COL13A1: variants seen among roughly 807,000 people sequenced by gnomAD.
COL13A1 encodes the protein collagen type XIII alpha 1 chain.
COL13A1 carries 89 observed loss-of-function variants against 130.9 expected under a neutral mutation model. The ratio of observed to expected loss-of-function variants is 0.68; its 90% CI spans 0.57 to 0.81. The LOEUF is 0.81. COL13A1 is among the 30% of genes least tolerant of loss of function. COL13A1 has a pLI of 0.00. For missense variants in COL13A1, 879 were observed against 934.6 expected, an observed-to-expected ratio of 0.94 and a Z score of 0.78; for synonymous variants, 402 against 341.6, an observed-to-expected ratio of 1.18 and a Z score of -1.95.
intron 14 of COL13A1, among the ~76,000 whole-genome samples, chr10:69,900,786 GGA>G (rs1431075358): frequency 6.6e-6 from 1 of 152,172 alleles, no homozygotes; most frequent in African/African-American, 2.4e-5. Flanking sequence ...GAAAGAATAG[GGA>G]GAGTCTGCAG....
Position 69,877,699 on chromosome 10 carries a change from T to TCACA in COL13A1, c.436-296_436-293dup, listed in dbSNP as rs10532425. 9.4e-3 allele frequency: 816 copies of TCACA among 86,834 alleles called. 9 individuals are homozygous for TCACA. Among genetic ancestry groups the TCACA allele is most frequent in the Middle Eastern group, 0.027 (4 of 150 alleles). The allele number at this position is 86,834 out of a possible 1,614,324, so 5.4% of individuals were successfully genotyped here. ...GTCTCTCTCTCTCTCTCTCTCTCTC[T>TCACA]CACACACACACACACACACACACAC... On this transcript the variant is annotated intron_variant, in intron 5 of 40. Transcript: ENST00000645393.
intron 7 of COL13A1, among the ~76,000 whole-genome samples, chr10:69,885,883 T>A (rs11814115): frequency 0.22 from 32,917 of 152,096 alleles, 3,971 homozygotes; most frequent in East Asian, 0.46. Context: ...GCCCTTTTGG[T>A]TGGCTGCCAC....
At chr10:69,913,373 G>A (rs1263179862) in intron 17 of COL13A1, among the ~76,000 whole-genome samples, 1 of 152,242 alleles carries the variant, frequency 6.6e-6, no homozygotes, top group Non-Finnish European at 1.5e-5. Context: ...AGGCCTGTGG[G>A]CTTTGCTGGA....
chr10:69,943,598 T>A (rs1194376033), intron 35 of COL13A1, among the ~76,000 whole-genome samples: 2 of 151,966 alleles, frequency 1.3e-5, no homozygotes, highest in African/African-American at 2.4e-5. Flanking sequence ...GGCCTGTGAG[T>A]GGGGCGAGAA....
intron 4 of COL13A1, among the ~76,000 whole-genome samples, chr10:69,873,699 C>A (rs1484974098): frequency 6.6e-6 from 1 of 152,186 alleles, no homozygotes; most frequent in Non-Finnish European, 1.5e-5. Context: ...CACAGCCGAC[C>A]ACCCGCCCTG....
At position 69,922,045 on chromosome 10, in the gene COL13A1, G is replaced by T. The variant is rs546644839; in HGVS notation, c.1143+110G>T. The T allele has an allele frequency of 7.5e-4, 993 of 1,328,048 alleles. 10 individuals are homozygous for T. In the South Asian group the frequency reaches 0.014, roughly 19 times the overall value. 82.3% of individuals were successfully genotyped at this position (1,328,048 alleles called of 1,614,324 possible). A position where few individuals can be genotyped will look rare whatever the true frequency, so the allele number is the denominator to read the frequency against. On this transcript the variant is annotated intron_variant, in intron 22 of 40. Transcript: ENST00000645393. ...ATTGGACGTGTCTGTCTCCCAGACT[G>T]CAGGAAAGGCAGCTGGAACACAGCC...
chr10:69,832,996 G>A (rs11592257), intron 2 of COL13A1, among the ~76,000 whole-genome samples: 22,558 of 152,198 alleles, frequency 0.15, 2,016 homozygotes, highest in African/African-American at 0.25. Context: ...GTAGGAGAAC[G>A]AGGGGCAACT....
intron 2 of COL13A1, among the ~76,000 whole-genome samples, chr10:69,854,956 G>A (rs573081961): frequency 6.6e-5 from 10 of 152,248 alleles, no homozygotes; most frequent in African/African-American, 1.4e-4. Context: ...GAGGCTCCCC[G>A]TTCTCCAGGC....
At chr10:69,906,269 C>T (rs756510239) in intron 17 of COL13A1, among the ~76,000 whole-genome samples, 7 of 152,330 alleles carry the variant, frequency 4.6e-5, no homozygotes, top group South Asian at 4.1e-4. Context: ...TTATCTATTG[C>T]GGTGTAACAA....
chr10:69,842,017 C>T (rs528397850), intron 2 of COL13A1, among the ~76,000 whole-genome samples: 31 of 152,322 alleles, frequency 2.0e-4, no homozygotes, highest in African/African-American at 7.5e-4. Flanking sequence ...ATGACCTAAC[C>T]AGACTGGTAT....
intron 2 of COL13A1, among the ~76,000 whole-genome samples, chr10:69,845,156 A>T (rs1289297231): frequency 6.6e-6 from 1 of 150,534 alleles, no homozygotes; most frequent in Admixed American, 6.6e-5. Flanking sequence ...GCTGAGCCTC[A>T]TCCTCTTTTC....
chr10:69,917,921 T>C (rs1210754900), intron 18 of COL13A1, among the ~76,000 whole-genome samples: 2 of 151,600 alleles, frequency 1.3e-5, no homozygotes, highest in Non-Finnish European at 2.9e-5. Context: ...CATCTCCTCC[T>C]CCTCCTCCTC....
intron 9 of COL13A1, among the ~76,000 whole-genome samples, 153 bp downstream of exon 9, chr10:69,888,483 T>A (rs778493076): frequency 4.6e-5 from 7 of 152,150 alleles, no homozygotes; most frequent in Non-Finnish European, 8.8e-5. Flanking sequence ...AGGGGGCCAT[T>A]TGAGTCACCC....
chr10:69,845,379 G>C (rs1589403556), intron 2 of COL13A1, among the ~76,000 whole-genome samples: 1 of 151,974 alleles, frequency 6.6e-6, no homozygotes, highest in Non-Finnish European at 1.5e-5. Context: ...TTTTAGTAGA[G>C]ACAGGGATTC....
chr10:69,930,552 G>A lies in COL13A1; in HGVS notation c.1683G>A (p.Pro561=), dbSNP rs562547881. The change falls in exon 30 of 41, where the codon CCG becomes CCA. Residue 561 remains proline (P), a splice_region_variant and synonymous_variant. Transcript: ENST00000645393. ...GGGAGACAGGACAAGCAGGCTCACC[G>A]GTGAGTGGCAGGGCTGGCTGCCCTT... The part of the protein sequence containing the change: ...EKGETGQAGS[P]GEKGEAGEKG... 75 of 1,612,326 alleles carry A rather than the reference G, an allele frequency of 4.7e-5. No homozygotes were observed. The Middle Eastern group carries it at 1.0e-3, about 22-fold the overall frequency.
At chr10:69,928,040 T>C (rs2065606706) in intron 27 of COL13A1, among the ~76,000 whole-genome samples, 1 of 152,098 alleles carries the variant, frequency 6.6e-6, no homozygotes, top group Non-Finnish European at 1.5e-5. Flanking sequence ...TAATCCCAGC[T>C]ACTCAGTAGG....
At chr10:69,874,031 C>T (rs1014418431) in intron 4 of COL13A1, among the ~76,000 whole-genome samples, 26 of 152,240 alleles carry the variant, frequency 1.7e-4, no homozygotes, top group Non-Finnish European at 3.2e-4. Flanking sequence ...CTCCACAGAA[C>T]TGATGCTCAG....
rs2064289922 is a variant in COL13A1, at chr10:69,919,093, T to A, written c.1026+5T>A. The stretch of plus-strand genomic sequence containing the variant: ...CCAGGGATCCCAGGAACCAAGGTAC[T>A]GATGCAGAGAGAATGTTCCGGGCTG... On this transcript the variant is annotated splice_donor_5th_base_variant and intron_variant, in intron 20 of 40. Transcript: ENST00000645393. 7 of 1,613,916 alleles carry A rather than the reference T, an allele frequency of 4.3e-6. No individual in the cohort carries two copies. Among genetic ancestry groups the A allele is most frequent in the Admixed American group, 1.7e-5 (1 of 60,016 alleles).
At chr10:69,805,087 C>T (rs12248138) in intron 1 of COL13A1, among the ~76,000 whole-genome samples, 7,951 of 152,084 alleles carry the variant, frequency 0.052, 357 homozygotes, top group East Asian at 0.15. Flanking sequence ...TCCAGGACCC[C>T]GGAGGACTGG....
Sources: allele counts gnomAD v4.1 joint callset (sites outside exome capture counted in the v4.1 genomes callset), GRCh38; gene constraint gnomAD v4.1.1; transcripts MANE v1.5; gene names NCBI Gene and HGNC (gene_info 2026-07-23, HGNC 2026-07-21).